Variants in TSHZ2 observed in about 807,000 individuals in gnomAD.
TSHZ2 encodes teashirt zinc finger homeobox 2, also known as teashirt homolog 2.
In TSHZ2, 21 loss-of-function variants were observed where a neutral mutation model predicts 74.4. That is an observed-to-expected ratio of 0.28 (90% CI 0.20 to 0.41). TSHZ2 has a LOEUF of 0.41. Among genes scored for constraint, TSHZ2 ranks in the 10% least tolerant of loss-of-function variants. TSHZ2 has a pLI of 1.00. For synonymous variants in TSHZ2, 540 were observed against 515.3 expected (o/e 1.05, Z -0.65); for missense variants, 1,244 against 1,293.5 (o/e 0.96, Z 0.59).
Position 53,405,095 on chromosome 20 carries a change from A to G in TSHZ2, c.*9-82049A>G, listed in dbSNP as rs1982795684. 2.0e-5 allele frequency among the ~76,000 whole-genome samples: 3 copies of G among 152,136 alleles called. No individual in the cohort carries two copies. The South Asian group carries it at 6.2e-4, about 32-fold the overall frequency. ...CGAAAACCTGTCTCTACAAAAATAC[A>G]AAAATTAGCCAGCTGTGGTTGCGCG... On this transcript the variant is annotated intron_variant, in intron 2 of 2. Transcript: ENST00000371497.
intron 1 of TSHZ2, among the ~76,000 whole-genome samples, chr20:52,977,549 A>G (rs192899388): frequency 1.4e-3 from 210 of 152,030 alleles, no homozygotes; most frequent in African/African-American, 4.8e-3. Flanking sequence ...CAGATATCTG[A>G]AAAAGGAAGG....
intron 2 of TSHZ2, among the ~76,000 whole-genome samples, chr20:53,454,390 C>T (rs571197636): frequency 5.3e-5 from 8 of 152,036 alleles, no homozygotes; most frequent in Non-Finnish European, 1.0e-4. Context: ...GGTGACACCC[C>T]ATCTTTACTA....
At chr20:53,186,548 C>G (rs915083378) in intron 1 of TSHZ2, among the ~76,000 whole-genome samples, 16 of 152,232 alleles carry the variant, frequency 1.1e-4, no homozygotes, top group Non-Finnish European at 1.5e-5. Context: ...ATCCATCTCA[C>G]TTTTTCTGAG....
intron 1 of TSHZ2, among the ~76,000 whole-genome samples, chr20:53,175,297 C>T (rs1044928472): frequency 2.6e-5 from 4 of 151,840 alleles, no homozygotes; most frequent in East Asian, 1.9e-4. Context: ...CCCACCACCA[C>T]GCCTGGCTAA....
intron 1 of TSHZ2, among the ~76,000 whole-genome samples, chr20:53,121,000 T>TC (rs1264923178): frequency 2.6e-5 from 4 of 152,324 alleles, no homozygotes; most frequent in South Asian, 2.1e-4. Context: ...CTTTTTTTTT[T>TC]CTCTTTGCCA....
intron 1 of TSHZ2, among the ~76,000 whole-genome samples, chr20:52,977,132 C>T (rs1981371244): frequency 6.6e-6 from 1 of 152,122 alleles, no homozygotes; most frequent in African/African-American, 2.4e-5. Context: ...GATCTCTTTT[C>T]CACCTCTTGA....
chr20:53,202,508 G>C (rs144917274), intron 1 of TSHZ2, among the ~76,000 whole-genome samples: 7 of 152,194 alleles, frequency 4.6e-5, no homozygotes, highest in South Asian at 2.1e-4. Flanking sequence ...CTTACTGCTT[G>C]TTGACCACTG....
intron 2 of TSHZ2, among the ~76,000 whole-genome samples, chr20:53,466,163 A>T (rs1477798636): frequency 6.6e-6 from 1 of 151,740 alleles, no homozygotes; most frequent in Non-Finnish European, 1.5e-5. Context: ...AGGAGAAATC[A>T]CTTGAACCGG....
intron 1 of TSHZ2, among the ~76,000 whole-genome samples, chr20:53,101,867 A>G (rs1986228141): frequency 1.3e-5 from 2 of 152,344 alleles, no homozygotes; most frequent in South Asian, 4.1e-4. Context: ...TATGAACCAG[A>G]TGTGTAAATA....
In TSHZ2 at chr20:52,996,307, T is replaced by TTTA. The variant is rs1982187025; in HGVS notation, c.40+22976_40+22977insATT. Among the ~76,000 whole-genome samples, 14 of 145,340 alleles carry TTTA rather than the reference T, an allele frequency of 9.6e-5. 1 individual carries two copies. Among genetic ancestry groups the TTTA allele is most frequent in the South Asian group, 9.1e-4 (4 of 4,404 alleles). The stretch of plus-strand genomic sequence containing the variant: ...GTTCTTCTCAACTTTCCTTTCAGGT[T>TTTA]TTTATTTATTTATTTATTTATTTAT... On this transcript the variant is annotated intron_variant, in intron 1 of 2. Transcript: ENST00000371497.
At chr20:53,098,945 C>G (rs1986134826) in intron 1 of TSHZ2, among the ~76,000 whole-genome samples, 1 of 152,170 alleles carries the variant, frequency 6.6e-6, no homozygotes, top group Admixed American at 6.5e-5. Flanking sequence ...GGTTACAATT[C>G]CCTCTCTTAG....
At chr20:52,983,454 A>G (rs1448423922) in intron 1 of TSHZ2, among the ~76,000 whole-genome samples, 2 of 152,236 alleles carry the variant, frequency 1.3e-5, no homozygotes, top group Non-Finnish European at 2.9e-5. Flanking sequence ...TTTAGGCAGT[A>G]ACCAAATATT....
At chr20:53,370,678 C>T (rs920916111) in intron 2 of TSHZ2, among the ~76,000 whole-genome samples, 30 of 152,172 alleles carry the variant, frequency 2.0e-4, no homozygotes, top group Admixed American at 1.7e-3. Context: ...GTGGGAAGAT[C>T]GGTTGAGGCC....
chr20:53,482,724 C>T (rs1051079476), intron 2 of TSHZ2, among the ~76,000 whole-genome samples: 4 of 151,714 alleles, frequency 2.6e-5, no homozygotes, highest in Non-Finnish European at 5.9e-5. Flanking sequence ...GGCAACGTGG[C>T]GAAACCCTGT....
intron 2 of TSHZ2, among the ~76,000 whole-genome samples, chr20:53,276,600 TAAAAG>T (rs370840685): frequency 1.3e-5 from 2 of 152,284 alleles, no homozygotes; most frequent in East Asian, 3.9e-4. Flanking sequence ...TTGATAGAGT[TAAAAG>T]AAATAATCCA....
chr20:53,346,488 G>T (rs987381468), intron 2 of TSHZ2, among the ~76,000 whole-genome samples: 1 of 152,206 alleles, frequency 6.6e-6, no homozygotes, highest in Non-Finnish European at 1.5e-5. Context: ...ACATCTGTGC[G>T]TGGGTTTGAT....
At chr20:53,028,969 C>T (rs1420568166) in intron 1 of TSHZ2, among the ~76,000 whole-genome samples, 2 of 152,162 alleles carry the variant, frequency 1.3e-5, no homozygotes, top group Non-Finnish European at 2.9e-5. Flanking sequence ...TGCTAGATCT[C>T]TCAATTTTTT....
intron 2 of TSHZ2, among the ~76,000 whole-genome samples, chr20:53,416,616 C>T (rs6097401): frequency 3.3e-5 from 5 of 152,188 alleles, no homozygotes; most frequent in Non-Finnish European, 7.3e-5. Context: ...AGTTGAGTAC[C>T]TGTTACAGAA....
At chr20:52,988,010 C>A (rs570281473) in intron 1 of TSHZ2, among the ~76,000 whole-genome samples, 14 of 152,180 alleles carry the variant, frequency 9.2e-5, no homozygotes, top group Non-Finnish European at 1.6e-4. Context: ...TCAATGACTT[C>A]TCTTCTTTTT....
Sources: gnomAD v4.1 joint callset for allele counts (sites outside exome capture counted in the v4.1 genomes callset) on GRCh38, gnomAD v4.1.1 for gene constraint, MANE v1.5 for transcripts, NCBI Gene and HGNC (gene_info 2026-07-23, HGNC 2026-07-21) for gene names.